Variants in MAN2B1 observed in about 807,000 individuals in gnomAD.
MAN2B1 encodes lysosomal alpha-mannosidase.
In MAN2B1, 99 loss-of-function variants were observed where a neutral mutation model predicts 127.5. That is an observed-to-expected ratio of 0.78 (90% CI 0.66 to 0.92). The LOEUF is 0.92. Among genes scored for constraint, MAN2B1 ranks in the 40% least tolerant of loss-of-function variants. The pLI is 0.00. For missense variants in MAN2B1, 1,304 were observed against 1,384.8 expected (o/e 0.94, Z 0.93); for synonymous variants, 573 against 568.8 (o/e 1.01, Z -0.11).
chr19:12,661,389 G>A lies in MAN2B1; in HGVS notation c.910-13C>T. The A allele has an allele frequency of 6.4e-7, 1 of 1,560,260 alleles. No homozygotes were observed. The highest frequency in any genetic ancestry group is 8.8e-7 in the Non-Finnish European group (1 of 1,130,962). ...GGTAATACCGGCCCTGCAGGCAAGA[G>A]GGGAGTCCTGAAGCCAGAGGATCCT... On this transcript the variant is annotated splice_polypyrimidine_tract_variant and intron_variant, in intron 6 of 23. Transcript: ENST00000456935.
In MAN2B1 at chr19:12,647,723, G is replaced by T; in HGVS notation, c.2665-125C>A. The T allele has an allele frequency of 1.3e-6, 1 of 780,040 alleles. No homozygotes were observed. The highest frequency in any genetic ancestry group is 2.0e-6 in the Non-Finnish European group (1 of 491,932). 48.3% of individuals were successfully genotyped at this position (780,040 alleles called of 1,614,324 possible). A position where few individuals can be genotyped will look rare whatever the true frequency, so the allele number is the denominator to read the frequency against. ...CGGGGTTTCGCCGGAGAGGGGCAAGGCTCAGCCGAGAGGAGCGGCCAGGGC... is the reference window on the plus strand; with the variant it reads ...CGGGGTTTCGCCGGAGAGGGGCAAGTCTCAGCCGAGAGGAGCGGCCAGGGC... On this transcript the variant is annotated intron_variant, in intron 21 of 23. Coordinates refer to ENST00000456935, the MANE Select transcript of MAN2B1 (RefSeq NM_000528.4). This position sits in a 1 kb window ranked among gnomAD's most constrained non-coding sequence, Gnocchi z 4.9.
intron 3 of MAN2B1, 37 bp downstream of exon 3, chr19:12,665,315 T>C (rs780255871): frequency 1.9e-6 from 3 of 1,598,854 alleles, no homozygotes; most frequent in Admixed American, 3.3e-5. Flanking sequence ...GAAGCTGGGC[T>C]GGGCTTCCTC....
rs755616565 is a variant in MAN2B1 at position 12,661,263 on chromosome 19, C to T, written c.1023G>A (p.Ala341=). The change falls in exon 7 of 24, where the codon GCG becomes GCA. Residue 341 remains alanine, a synonymous_variant. Coordinates refer to ENST00000456935, the MANE Select transcript of MAN2B1 (RefSeq NM_000528.4). Reference sequence around the variant, plus strand: ...ACCACAGGGTAGGCGCACTGACCTGCGCATTTACCAGCCGGATGAGCTTGT... The same window carrying T: ...ACCACAGGGTAGGCGCACTGACCTGTGCATTTACCAGCCGGATGAGCTTGT... The part of the protein sequence containing the change: ...NLDKLIRLVN[A]QQAKGSSVHV... 1.4e-5 allele frequency: 23 copies of T among 1,611,492 alleles called. No homozygotes were observed. Among genetic ancestry groups the T allele is most frequent in the South Asian group, 1.3e-4 (12 of 91,032 alleles).
Position 12,665,782 on chromosome 19 carries a change from G to C in MAN2B1, c.183C>G (p.Asn61Lys). Residue 61 changes from asparagine to lysine, a missense_variant, in exon 2 of 24, where the codon AAC (asparagine) becomes AAG (lysine). Physicochemically the swap from Asn to Lys is moderately conservative, Grantham distance 94 (BLOSUM62 0). Coordinates refer to ENST00000456935, the MANE Select transcript of MAN2B1 (RefSeq NM_000528.4). ...GYETCPTVQP[N>K]MLNVHLLPHT... ...GAGGCAGCAGGTGCACGTTCAGCAT[G>C]TTCGGCTGCACTGTGGGGCATGTCT... The C allele has an allele frequency of 1.9e-6, 3 of 1,614,068 alleles. No individual in the cohort carries two copies. Among genetic ancestry groups the C allele is most frequent in the Non-Finnish European group, 2.5e-6 (3 of 1,180,024 alleles).
In MAN2B1 at chr19:12,656,676, G is replaced by T. The variant is rs1277779220; in HGVS notation, c.1539C>A (p.Ile513=). The change falls in exon 13 of 24, where the codon ATC becomes ATA. Residue 513 remains isoleucine, a synonymous_variant. Coordinates refer to ENST00000456935, the MANE Select transcript of MAN2B1 (RefSeq NM_000528.4). The part of the protein sequence containing the change: ...LSQTAARFQV[I]VYNPLGRKVN... ...CCTTCCGCCCCAGGGGATTATAAAC[G>T]ATGACCTGGAACTGGGGAGGCGGGG... 9 of 1,612,302 alleles carry T rather than the reference G, an allele frequency of 5.6e-6. No individual in the cohort carries two copies. The highest frequency in any genetic ancestry group is 7.6e-6 in the Non-Finnish European group (9 of 1,178,404).
chr19:12,646,799 T>C, intron 23 of MAN2B1, 67 bp from the exon 24 acceptor site: 1 of 1,134,160 alleles, frequency 8.8e-7, no homozygotes, highest in Non-Finnish European at 1.3e-6. Context: ...CCCACGATGC[T>C]TCCTCCCCTG....
At chr19:12,650,552 G>C (rs1000931293) in intron 16 of MAN2B1, among the ~76,000 whole-genome samples, 6 of 151,592 alleles carry the variant, frequency 4.0e-5, no homozygotes, top group African/African-American at 1.2e-4. Context: ...TAGAGATGGG[G>C]TTTCACCGTG....
intron 10 of MAN2B1, 42 bp downstream of exon 10, chr19:12,658,020 AC>A: frequency 6.4e-7 from 1 of 1,572,588 alleles, no homozygotes; most frequent in Non-Finnish European, 8.7e-7. Context: ...GTGGTTTCCA[AC>A]TTCAGCCGCA....
At chr19:12,649,477 C>CTTTGTTTTTTTT (rs2023785791) in intron 18 of MAN2B1, 49 bp from the exon 19 acceptor site, 1 of 323,656 alleles carries the variant, frequency 3.1e-6, no homozygotes, top group Non-Finnish European at 5.0e-6. Context: ...CTCCCCAACT[C>CTTTGTTTTTTTT]TTTTTTTTTT....
Position 12,649,895 on chromosome 19 carries a change from C to T in MAN2B1, c.2267+18G>A. The T allele has an allele frequency of 6.6e-7, 1 of 1,522,238 alleles. No individual in the cohort carries two copies. The highest frequency in any genetic ancestry group is 9.1e-7 in the Non-Finnish European group (1 of 1,099,360). The allele number at this position is 1,522,238 out of a possible 1,614,324, so 94.3% of individuals were successfully genotyped here. The stretch of plus-strand genomic sequence containing the variant: ...CACACCACAGACCACCCCCTCAGTG[C>T]TCTCAGTCACCCCCCACCTCCTCTC... On this transcript the variant is annotated intron_variant, in intron 18 of 23. Transcript: ENST00000456935.
Position 12,647,134 on chromosome 19 carries a change from T to G in MAN2B1, c.2923+99A>C. The G allele has an allele frequency of 8.5e-7, 1 of 1,178,522 alleles. No homozygotes were observed. The highest frequency in any genetic ancestry group is 1.3e-6 in the Non-Finnish European group (1 of 787,600). 73.0% of individuals were successfully genotyped at this position (1,178,522 alleles called of 1,614,324 possible). ...ACTCTGCCCCATACCCTCATGACCT[T>G]TTTGGGTCCTGGCCAACATCCCATG... On this transcript the variant is annotated intron_variant, in intron 23 of 23. Transcript: ENST00000456935. The surrounding 1 kb of genome is among the most constrained non-coding windows in gnomAD (Gnocchi z 4.9).
In MAN2B1 at chr19:12,666,606, G is replaced by A. The variant is rs1253976874; in HGVS notation, c.96C>T (p.Leu32=). The A allele has an allele frequency of 4.5e-6, 7 of 1,565,866 alleles. No homozygotes were observed. The highest frequency in any genetic ancestry group is 5.2e-6 in the Non-Finnish European group (6 of 1,155,416). Residue 32 remains leucine (L), a synonymous_variant, in exon 1 of 24, where the codon CTC becomes CTT. Transcript: ENST00000456935. ...WTMSRALRPP[L]PPLCFFLLLL... is the part of the protein sequence containing the mutation. ...ACAAAAGGAAAAAGCAGAGAGGCGG[G>A]AGCGGTGGCCGCAGGGCGCGGGACA... is the stretch of plus-strand genomic sequence containing the variant.
At position 12,663,166 on chromosome 19, in the gene MAN2B1, A is replaced by G. The variant is rs1413979267; in HGVS notation, c.909+151T>C. The G allele has an allele frequency of 4.3e-6, 4 of 920,446 alleles. No homozygotes were observed. In the African/African-American group the frequency reaches 6.6e-5, roughly 15 times the overall value. 57.0% of individuals were successfully genotyped at this position (920,446 alleles called of 1,614,324 possible). A position where few individuals can be genotyped will look rare whatever the true frequency, so the allele number is the denominator to read the frequency against. ...GAGGCAGAGGTTGCAGTGAGCCGAG[A>G]TCGCACCACTGCACTCCAGCCTGGG... On this transcript the variant is annotated intron_variant, in intron 6 of 23. Transcript: ENST00000456935.
At chr19:12,654,420 T>C (rs1212426852) in intron 14 of MAN2B1, among the ~76,000 whole-genome samples, 2 of 152,080 alleles carry the variant, frequency 1.3e-5, no homozygotes, top group Non-Finnish European at 2.9e-5. Flanking sequence ...TCCAGGTCCC[T>C]GCACTTCCAC....
chr19:12,658,988 C>G (rs765104765), intron 7 of MAN2B1: 1 of 232,532 alleles, frequency 4.3e-6, no homozygotes, highest in South Asian at 5.2e-5. Context: ...TCATGAGTAC[C>G]TGGGACTACA....
Position 12,648,331 on chromosome 19 carries a change from C to T in MAN2B1, c.2508G>A (p.Ala836=), listed in dbSNP as rs1344703081. Residue 836 remains alanine, a synonymous_variant, in exon 21 of 24, where the codon GCG becomes GCA. Transcript: ENST00000456935. ...SEPLMENGSG[A]WVRGRHLVLL... is the part of the protein sequence containing the mutation. ...GCACCAGGTGGCGCCCTCGCACCCA[C>T]GCCCCCGACCCGTTCTCCATTAGTG... is the stretch of plus-strand genomic sequence containing the variant. 2.5e-6 allele frequency: 4 copies of T among 1,613,776 alleles called. No individual in the cohort carries two copies. The highest frequency in any genetic ancestry group is 3.4e-6 in the Non-Finnish European group (4 of 1,179,936).
rs2145228830 is a variant in MAN2B1, at chr19:12,649,184, G to A, written c.2388C>T (p.Asp796=). 6.2e-7 allele frequency: 1 copy of A among 1,613,096 alleles called. No homozygotes were observed. The highest frequency in any genetic ancestry group is 8.5e-7 in the Non-Finnish European group (1 of 1,180,026). ...TCAGGCTGCTGCCCCCCTGGGAGCG[G>A]TCAGTCAGCACAGTCAGCTGCATGT... ...DGNMQLTVLT[D]RSQGGSSLRD... is the part of the protein sequence containing the mutation. Residue 796 remains aspartate (D), a synonymous_variant, in exon 20 of 24, where the codon GAC becomes GAT. Transcript: ENST00000456935.
Position 12,659,389 on chromosome 19 carries a change from C to T in MAN2B1, c.1027-879G>A, listed in dbSNP as rs191891579. Among the ~76,000 whole-genome samples the T allele has an allele frequency of 2.6e-5, 4 of 151,444 alleles. No homozygotes were observed. The East Asian group carries it at 7.8e-4, about 30-fold the overall frequency. Reference sequence around the variant, plus strand: ...CGATCTCAGCTGGCTGCAAACTCCGCCTCCCAGGTTCCAGCGATTCTCCTG... The same window carrying T: ...CGATCTCAGCTGGCTGCAAACTCCGTCTCCCAGGTTCCAGCGATTCTCCTG... On this transcript the variant is annotated intron_variant, in intron 7 of 23. Coordinates refer to ENST00000456935, the MANE Select transcript of MAN2B1 (RefSeq NM_000528.4).
chr19:12,658,405 A>G, intron 8 of MAN2B1, 23 bp downstream of exon 8: 1 of 1,614,230 alleles, frequency 6.2e-7, no homozygotes, highest in Non-Finnish European at 8.5e-7. Flanking sequence ...AACCCCCCCA[A>G]GCTCCCCAGT....
Sources: gnomAD v4.1 joint callset for allele counts (sites outside exome capture counted in the v4.1 genomes callset) on GRCh38, gnomAD v4.1.1 for gene constraint, Gnocchi (gnomAD v3.1) non-coding constraint, MANE v1.5 for transcripts, NCBI Gene and HGNC (gene_info 2026-07-23, HGNC 2026-07-21) for gene names.